Variants in RBFOX1 observed in about 807,000 individuals in gnomAD.
RBFOX1 encodes RNA binding protein fox-1 homolog 1.
Under a neutral mutation model 57.7 loss-of-function variants are expected in RBFOX1, and 8 were observed. The ratio of observed to expected loss-of-function variants is 0.14; its 90% CI spans 0.08 to 0.25. The LOEUF is 0.25. Among genes scored for constraint, RBFOX1 ranks in the 10% least tolerant of loss-of-function variants. RBFOX1 has a pLI of 1.00. For missense variants in RBFOX1, 611 were observed against 548.5 expected (o/e 1.11, Z -1.14); for synonymous variants, 326 against 222.4 (o/e 1.47, Z -4.15).
intron 3 of RBFOX1, among the ~76,000 whole-genome samples, chr16:7,016,045 C>G (rs1038800944): frequency 5.3e-5 from 8 of 152,110 alleles, no homozygotes; most frequent in Non-Finnish European, 8.8e-5. Flanking sequence ...TTCCTAGTCA[C>G]TCATTGCAGT....
chr16:5,758,327 A>G (rs2053472105), intron 3 of RBFOX1, among the ~76,000 whole-genome samples: 2 of 152,192 alleles, frequency 1.3e-5, no homozygotes, highest in African/African-American at 2.4e-5. Flanking sequence ...CTCTATTATA[A>G]CAGTAGTGCC....
chr16:6,782,574 C>T (rs1416321794), intron 3 of RBFOX1, among the ~76,000 whole-genome samples: 3 of 151,852 alleles, frequency 2.0e-5, no homozygotes, highest in African/African-American at 4.8e-5. Context: ...AGTTTCATTC[C>T]ATTGTGGTCA....
In RBFOX1 at chr16:5,891,735, G is replaced by C. The variant is rs180837574; in HGVS notation, c.351+24400G>C. 3.5e-3 allele frequency among the ~76,000 whole-genome samples: 536 copies of C among 152,324 alleles called. 3 individuals carry two copies. The highest frequency in any genetic ancestry group is 4.4e-3 in the Non-Finnish European group (298 of 68,032). ...GAGAAAGGAACAGTGAGAAAGGGCTGTGGGGCCCAGAAAGTTCCTGGGGCA... is the reference window on the plus strand; with the variant it reads ...GAGAAAGGAACAGTGAGAAAGGGCTCTGGGGCCCAGAAAGTTCCTGGGGCA... On this transcript the variant is annotated intron_variant, in intron 4 of 19. Coordinates refer to the RBFOX1 transcript ENST00000641259.
At chr16:6,152,478 C>T (rs1169583133) in intron 1 of RBFOX1, among the ~76,000 whole-genome samples, 3 of 152,174 alleles carry the variant, frequency 2.0e-5, no homozygotes, top group Non-Finnish European at 2.9e-5. Context: ...CAGCTTCTGG[C>T]ATGAGATGAA....
chr16:7,424,027 A>G (rs920495609), intron 4 of RBFOX1, among the ~76,000 whole-genome samples: 1 of 152,198 alleles, frequency 6.6e-6, no homozygotes, highest in Non-Finnish European at 1.5e-5. Context: ...GTCTATTTAT[A>G]TAACTTAAGC....
chr16:6,620,386 C>A (rs4786896), intron 2 of RBFOX1, among the ~76,000 whole-genome samples: 111,342 of 152,002 alleles, frequency 0.73, 40,924 homozygotes, highest in South Asian at 0.83. Context: ...TGCCCACATC[C>A]AAAAGTTAGA....
At chr16:6,732,100 G>A (rs2068758902) in intron 3 of RBFOX1, among the ~76,000 whole-genome samples, 2 of 152,112 alleles carry the variant, frequency 1.3e-5, no homozygotes, top group African/African-American at 2.4e-5. Context: ...TTCTCTTTCA[G>A]TCTTCCCTTT....
rs544127431 is a variant in RBFOX1 at position 7,418,888 on chromosome 16, T to G, written c.28-99259T>G. 7.6e-3 allele frequency among the ~76,000 whole-genome samples: 1,154 copies of G among 152,056 alleles called. 4 individuals are homozygous for G. Among genetic ancestry groups the G allele is most frequent in the African/African-American group, 0.019 (784 of 41,466 alleles). ...GAGCCACTAAGAGTCGAGGTTTTTT[T>G]TTGTTGTTGTTTCTGTTTGTTTTGT... On this transcript the variant is annotated intron_variant, in intron 4 of 15. Coordinates refer to ENST00000550418, the MANE Select transcript of RBFOX1 (RefSeq NM_018723.4).
At position 6,839,375 on chromosome 16, in the gene RBFOX1, A is replaced by T. The variant is rs532514837; in HGVS notation, c.-16+184725A>T. ...TGACTCCATCTGGGCAGAAAGGCTG[A>T]GGTTAGGTTGTCAGCTGCGTCACTG... On this transcript the variant is annotated intron_variant, in intron 3 of 15. Coordinates refer to ENST00000550418, the MANE Select transcript of RBFOX1 (RefSeq NM_018723.4). 1.3e-3 allele frequency among the ~76,000 whole-genome samples: 199 copies of T among 152,326 alleles called. 5 individuals are homozygous for T. The South Asian group carries it at 0.04, about 31-fold the overall frequency.
Position 7,125,511 on chromosome 16 carries a change from C to A in RBFOX1, c.27+73413C>A, listed in dbSNP as rs555298443. 1.1e-4 allele frequency among the ~76,000 whole-genome samples: 16 copies of A among 152,240 alleles called. 1 individual carries two copies. The Middle Eastern group carries it at 0.01, about 97-fold the overall frequency. ...TTTTCTAGTTTGAAGTTTGTTCCTTCAGAAAATATGGTTAACACACATTTT... is the reference window on the plus strand; with the variant it reads ...TTTTCTAGTTTGAAGTTTGTTCCTTAAGAAAATATGGTTAACACACATTTT... On this transcript the variant is annotated intron_variant, in intron 4 of 15. Coordinates refer to ENST00000550418, the MANE Select transcript of RBFOX1 (RefSeq NM_018723.4).
At chr16:6,283,269 G>A (rs918094073) in intron 1 of RBFOX1, among the ~76,000 whole-genome samples, 6 of 152,158 alleles carry the variant, frequency 3.9e-5, no homozygotes, top group African/African-American at 1.4e-4. Flanking sequence ...TGAGCCTACA[G>A]TGAGCTGTGA....
chr16:5,785,822 C>T (rs1024569254), intron 3 of RBFOX1, among the ~76,000 whole-genome samples: 6 of 152,116 alleles, frequency 3.9e-5, no homozygotes, highest in South Asian at 2.1e-4. Context: ...CCTCTGCACC[C>T]GGCCAAGATG....
intron 4 of RBFOX1, among the ~76,000 whole-genome samples, chr16:7,122,469 G>C (rs936962245): frequency 6.6e-6 from 1 of 152,088 alleles, no homozygotes; most frequent in South Asian, 2.1e-4. Flanking sequence ...CCGTGAAAAG[G>C]TATTTAACAT....
intron 3 of RBFOX1, among the ~76,000 whole-genome samples, chr16:6,997,014 A>G (rs770704129): frequency 1.4e-4 from 22 of 152,168 alleles, no homozygotes; most frequent in Non-Finnish European, 2.9e-5. Context: ...ATGTATATGT[A>G]TATATGTTTA....
At chr16:7,138,830 A>G (rs1043920397) in intron 4 of RBFOX1, among the ~76,000 whole-genome samples, 2 of 152,152 alleles carry the variant, frequency 1.3e-5, no homozygotes, top group South Asian at 2.1e-4. Flanking sequence ...TTTTTATAAG[A>G]TGGAGTCTGG....
chr16:5,847,146 G>C (rs905143647), intron 3 of RBFOX1, among the ~76,000 whole-genome samples: 1 of 152,204 alleles, frequency 6.6e-6, no homozygotes, highest in Non-Finnish European at 1.5e-5. Context: ...GAATGAAATT[G>C]AATTTGGTGA....
At chr16:5,402,528 G>A (rs1002953645) in intron 1 of RBFOX1, among the ~76,000 whole-genome samples, 2 of 152,154 alleles carry the variant, frequency 1.3e-5, no homozygotes, top group Non-Finnish European at 2.9e-5. Flanking sequence ...TCTTCCTTTT[G>A]TTATAACACA....
chr16:7,555,476 C>T (rs1012990304), intron 5 of RBFOX1, among the ~76,000 whole-genome samples: 1 of 152,012 alleles, frequency 6.6e-6, no homozygotes, highest in Admixed American at 6.6e-5. Flanking sequence ...ATAAGAGGAC[C>T]CTGTGTACTA....
intron 4 of RBFOX1, among the ~76,000 whole-genome samples, chr16:7,094,690 T>C (rs2061395688): frequency 6.7e-6 from 1 of 149,026 alleles, no homozygotes; most frequent in Non-Finnish European, 1.5e-5. Flanking sequence ...TTGTTAGTGG[T>C]TGGGTGGTAT....
Sources: gnomAD v4.1 joint callset for allele counts (sites outside exome capture counted in the v4.1 genomes callset) on GRCh38, gnomAD v4.1.1 for gene constraint, MANE v1.5 for transcripts, NCBI Gene and HGNC (gene_info 2026-07-23, HGNC 2026-07-21) for gene names.